PHLPP1: variants seen among roughly 807,000 people sequenced by gnomAD.
PHLPP1 encodes the protein PH domain leucine-rich repeat-containing protein phosphatase 1.
PHLPP1 carries 42 observed loss-of-function variants against 117.2 expected under a neutral mutation model. The ratio of observed to expected loss-of-function variants is 0.36; its 90% CI spans 0.28 to 0.46. The LOEUF (loss-of-function observed/expected upper bound fraction) is 0.46, where lower values mean the gene tolerates loss of function less well. Among genes scored for constraint, PHLPP1 ranks in the 20% least tolerant of loss-of-function variants. The pLI, the probability that PHLPP1 is intolerant of heterozygous loss-of-function variation, is 1.00. For missense variants in PHLPP1, 2,084 were observed against 2,241.9 expected (o/e 0.93, Z 1.42); for synonymous variants, 1,042 against 970.7 (o/e 1.07, Z -1.37).
intron 3 of PHLPP1, among the ~76,000 whole-genome samples, chr18:62,845,255 CCTG>C (rs1355799766): frequency 6.6e-6 from 1 of 152,104 alleles, no homozygotes; most frequent in Non-Finnish European, 1.5e-5. Flanking sequence ...CGTTATCTCT[CCTG>C]CTGTGTAGCT....
chr18:62,758,972 G>A (rs1912121544), intron 1 of PHLPP1, among the ~76,000 whole-genome samples: 1 of 152,178 alleles, frequency 6.6e-6, no homozygotes, highest in Non-Finnish European at 1.5e-5. Context: ...TTACAGAGCC[G>A]ACTGTGATGT....
Position 62,978,979 on chromosome 18 carries a change from G to A in PHLPP1, c.4702G>A (p.Asp1568Asn). The change falls in exon 17 of 17, where the codon GAC (aspartate) becomes AAC (asparagine). Residue 1568 changes from aspartate to asparagine, a missense_variant. Around this residue, in one of 2 missense-constraint regions of PHLPP1, gnomAD observed 1,365 missense variants for 1,605.9 expected, o/e 0.85. Coordinates refer to ENST00000262719, the MANE Select transcript of PHLPP1 (RefSeq NM_194449.4). This position sits in a 1 kb window ranked among gnomAD's most constrained non-coding sequence, Gnocchi z 7.0. ...CGGCAGCCGGGTGGAGGTGGAGGTG[G>A]ACATCCACTGCAGCCGGGCCAAGGA... ...TNGSRVEVEV[D>N]IHCSRAKEKE... The A allele has an allele frequency of 6.2e-7, 1 of 1,611,794 alleles. No homozygotes were observed.
At chr18:62,942,523 A>C (rs1910158950) in intron 11 of PHLPP1, among the ~76,000 whole-genome samples, 1 of 152,236 alleles carries the variant, frequency 6.6e-6, no homozygotes, top group Non-Finnish European at 1.5e-5. Flanking sequence ...AGAAACTGTA[A>C]CATTGCAAAT....
At chr18:62,821,340 CAG>C (rs2144321558) in intron 1 of PHLPP1, among the ~76,000 whole-genome samples, 1 of 151,290 alleles carries the variant, frequency 6.6e-6, no homozygotes, top group South Asian at 2.1e-4. Flanking sequence ...ACAAAAATAA[CAG>C]AAAATCAGTG....
At chr18:62,833,570 T>C (rs1469172901) in intron 2 of PHLPP1, among the ~76,000 whole-genome samples, 1 of 152,110 alleles carries the variant, frequency 6.6e-6, no homozygotes, top group African/African-American at 2.4e-5. Context: ...TATTCCTCAT[T>C]TTTTCCTTTT....
chr18:62,722,221 C>T (rs970259106), intron 1 of PHLPP1, among the ~76,000 whole-genome samples: 1 of 152,176 alleles, frequency 6.6e-6, no homozygotes, highest in African/African-American at 2.4e-5. Flanking sequence ...TAACAGGTTT[C>T]TCCCAACTTT....
At chr18:62,913,591 C>G (rs962997046) in intron 8 of PHLPP1, among the ~76,000 whole-genome samples, 2 of 152,080 alleles carry the variant, frequency 1.3e-5, no homozygotes, top group Non-Finnish European at 2.9e-5. Flanking sequence ...GTTTGAAATT[C>G]TTTGTGCCTG....
At chr18:62,820,673 G>A (rs1190913989) in intron 1 of PHLPP1, among the ~76,000 whole-genome samples, 1 of 152,186 alleles carries the variant, frequency 6.6e-6, no homozygotes, top group African/African-American at 2.4e-5. Flanking sequence ...ATGATTGTGA[G>A]TTTCCTTAGT....
chr18:62,770,714 A>C (rs1912734633), intron 1 of PHLPP1, among the ~76,000 whole-genome samples: 1 of 151,148 alleles, frequency 6.6e-6, no homozygotes, highest in African/African-American at 2.4e-5. Flanking sequence ...TTGGAACCGG[A>C]AGTGTTTTGG....
At chr18:62,800,170 C>T (rs1388178896) in intron 1 of PHLPP1, among the ~76,000 whole-genome samples, 2 of 152,156 alleles carry the variant, frequency 1.3e-5, no homozygotes, top group Non-Finnish European at 2.9e-5. Flanking sequence ...CCCTTGACCA[C>T]ACTCTCTTCT....
chr18:62,880,326 G>A (rs979865518), intron 4 of PHLPP1, among the ~76,000 whole-genome samples: 16 of 151,878 alleles, frequency 1.1e-4, no homozygotes, highest in Non-Finnish European at 1.6e-4. Flanking sequence ...TTGCTTATGC[G>A]CACTTTCTCA....
chr18:62,826,931 C>T (rs1350107970), intron 1 of PHLPP1, among the ~76,000 whole-genome samples: 1 of 151,914 alleles, frequency 6.6e-6, no homozygotes, highest in Admixed American at 6.6e-5. Flanking sequence ...ACCTGGGAGG[C>T]GGAGGTATCA....
intron 4 of PHLPP1, among the ~76,000 whole-genome samples, chr18:62,887,131 TTAGAATTA>T (rs1568150368): frequency 1.3e-5 from 2 of 152,314 alleles, no homozygotes; most frequent in East Asian, 1.9e-4. Context: ...GACCTGTGGC[TTAGAATTA>T]TGAGTGATAG....
At chr18:62,737,969 C>T (rs1329722351) in intron 1 of PHLPP1, among the ~76,000 whole-genome samples, 1 of 151,966 alleles carries the variant, frequency 6.6e-6, no homozygotes, top group African/African-American at 2.4e-5. Flanking sequence ...ACAGCAGTTC[C>T]CACTTAATTT....
At chr18:62,721,834 A>G (rs1458556716) in intron 1 of PHLPP1, among the ~76,000 whole-genome samples, 2 of 152,158 alleles carry the variant, frequency 1.3e-5, no homozygotes, top group African/African-American at 4.8e-5. Flanking sequence ...AAGATAAGTT[A>G]TTTTTTAAGT....
chr18:62,927,464 A>G (rs1909668904), intron 10 of PHLPP1, among the ~76,000 whole-genome samples: 1 of 152,192 alleles, frequency 6.6e-6, no homozygotes, highest in Non-Finnish European at 1.5e-5. Context: ...AGTCAAGTGA[A>G]CATTTTATGA....
chr18:62,751,748 G>A (rs2144236838), intron 1 of PHLPP1, among the ~76,000 whole-genome samples: 2 of 152,132 alleles, frequency 1.3e-5, no homozygotes, highest in East Asian at 3.9e-4. Context: ...GAGGGGGAGG[G>A]GAAAGATGAG....
At chr18:62,796,536 C>CT (rs1456499935) in intron 1 of PHLPP1, among the ~76,000 whole-genome samples, 2 of 152,146 alleles carry the variant, frequency 1.3e-5, no homozygotes, top group African/African-American at 2.4e-5. Flanking sequence ...GGTCCCAGGT[C>CT]TTTTTGTATT....
At chr18:62,944,805 A>T (rs1308682018) in intron 11 of PHLPP1, among the ~76,000 whole-genome samples, 3 of 152,204 alleles carry the variant, frequency 2.0e-5, no homozygotes, top group Non-Finnish European at 4.4e-5. Flanking sequence ...ATTAGTGTTC[A>T]GACCAAGCTA....
Sources: gnomAD v4.1 joint callset for allele counts (sites outside exome capture counted in the v4.1 genomes callset) on GRCh38, gnomAD v4.1.1 for gene constraint, gnomAD v4.1.1 regional missense constraint, Gnocchi (gnomAD v3.1) non-coding constraint, MANE v1.5 for transcripts, NCBI Gene and HGNC (gene_info 2026-07-23, HGNC 2026-07-21) for gene names.